The following LAMTOR3 variants were observed in gnomAD, a reference collection of about 807,000 sequenced individuals.
The protein encoded by LAMTOR3 is ragulator complex protein LAMTOR3.
Under a neutral mutation model 20.3 loss-of-function variants are expected in LAMTOR3, and 14 were observed. The ratio of observed to expected loss-of-function variants is 0.69; its 90% CI spans 0.46 to 1.08. The LOEUF is 1.08. Among genes scored for constraint, LAMTOR3 ranks in the 50% least tolerant of loss-of-function variants. The probability of loss-of-function intolerance (pLI) is 0.00; values close to 1 mark genes in which losing one functional copy is unlikely to be tolerated. For synonymous variants in LAMTOR3, 40 were observed against 49.4 expected (o/e 0.81, Z 0.80); for missense variants, 125 against 143.7 (o/e 0.87, Z 0.67).
Position 99,893,956 on chromosome 4 carries a change from T to A in LAMTOR3, c.8A>T (p.Asp3Val). Residue 3 changes from aspartate (D) to valine (V), a missense_variant and splice_region_variant, in exon 2 of 7, where the codon GAT becomes GTT. Coordinates refer to ENST00000499666, the MANE Select transcript of LAMTOR3 (RefSeq NM_021970.4). ...CTCTTATGTAGGGGTGTCACTCACA[T>A]CCGCCATGATGAACCCCCTTCTCTC... MA[D>V]DLKRFLYKKL... 1.3e-6 allele frequency: 2 copies of A among 1,544,764 alleles called. No individual in the cohort carries two copies. The highest frequency in any genetic ancestry group is 1.8e-6 in the Non-Finnish European group (2 of 1,141,302).
chr4:99,883,332 GA>G (rs943934421), intron 6 of LAMTOR3, among the ~76,000 whole-genome samples: 15 of 151,746 alleles, frequency 9.9e-5, no homozygotes, highest in Non-Finnish European at 1.6e-4. Context: ...AAAACAAATA[GA>G]AAAAAATATA....
At position 99,879,914 on chromosome 4, in the gene LAMTOR3, G is replaced by A. The variant is rs1357688288; in HGVS notation, c.*2080C>T. The stretch of plus-strand genomic sequence containing the variant: ...GTATCGCCTACTACTACACACCTAG[G>A]CTATATGGTATAGCCTACTACTACA... On this transcript the variant is annotated 3_prime_UTR_variant, in exon 7 of 7. Coordinates refer to ENST00000499666, the MANE Select transcript of LAMTOR3 (RefSeq NM_021970.4). The A allele has an allele frequency of 6.7e-6, 1 of 148,690 alleles. No homozygotes were observed. The highest frequency in any genetic ancestry group is 2.5e-5 in the African/African-American group (1 of 39,744). 9.2% of individuals were successfully genotyped at this position (148,690 alleles called of 1,614,324 possible).
intron 3 of LAMTOR3, among the ~76,000 whole-genome samples, chr4:99,891,349 G>C (rs1019494410): frequency 2.6e-5 from 4 of 152,170 alleles, no homozygotes; most frequent in Non-Finnish European, 5.9e-5. Context: ...CCCTGCAGAA[G>C]AGCACAGGTC....
At chr4:99,894,213 C>T (rs1372981389) in intron 1 of LAMTOR3, 122 bp downstream of exon 1, 4 of 392,908 alleles carry the variant, frequency 1.0e-5, no homozygotes, top group Non-Finnish European at 1.8e-5. Context: ...CATCCCTGCC[C>T]CTCCACCCCA....
chr4:99,880,147 CT>C lies in LAMTOR3; in HGVS notation c.*1846del, dbSNP rs1436427695. 2.6e-5 allele frequency: 4 copies of C among 152,080 alleles called. No homozygotes were observed. 9.4% of individuals were successfully genotyped at this position (152,080 alleles called of 1,614,324 possible). ...ATTTTCTTGCCCATTTTAAGTGCCC[CT>C]AGTCTGTGGTTCTATACCATCCTAT... On this transcript the variant is annotated 3_prime_UTR_variant, in exon 7 of 7. Transcript: ENST00000499666.
At chr4:99,883,471 T>A (rs1724864132) in intron 6 of LAMTOR3, among the ~76,000 whole-genome samples, 1 of 152,002 alleles carries the variant, frequency 6.6e-6, no homozygotes, top group South Asian at 2.1e-4. Flanking sequence ...AAATATCCAG[T>A]GAAGGTATTG....
intron 3 of LAMTOR3, among the ~76,000 whole-genome samples, chr4:99,888,104 C>T (rs773092019): frequency 8.5e-5 from 13 of 152,166 alleles, no homozygotes; most frequent in Non-Finnish European, 1.5e-4. Context: ...GTAAGCAGAA[C>T]GGTCAAGCTA....
intron 3 of LAMTOR3, among the ~76,000 whole-genome samples, chr4:99,889,492 G>A (rs1041269976): frequency 1.3e-5 from 2 of 152,190 alleles, no homozygotes; most frequent in African/African-American, 4.8e-5. Flanking sequence ...ACATTCTTAA[G>A]TGAAAAAATA....
At chr4:99,890,369 C>T (rs1009565383) in intron 3 of LAMTOR3, among the ~76,000 whole-genome samples, 1 of 152,180 alleles carries the variant, frequency 6.6e-6, no homozygotes, top group Non-Finnish European at 1.5e-5. Context: ...CAAAAACACA[C>T]ATTCCATTAG....
rs1396716742 is a variant in LAMTOR3 at position 99,884,068 on chromosome 4, T to G, written c.295A>C (p.Asn99His). ...TTAAGGTCATTAAACACACCTGTAT[T>G]GGCACTGCTGCTGGCTATGAAACTC... ...VVSFIASSSANTGLIVSLEKE... is the reference protein window; with the variant it reads ...VVSFIASSSAHTGLIVSLEKE... The change falls in exon 6 of 7, where the codon AAT becomes CAT. Residue 99 changes from asparagine to histidine, a missense_variant. Physicochemically the swap from Asn to His is moderately conservative, Grantham distance 68. Coordinates refer to ENST00000499666, the MANE Select transcript of LAMTOR3 (RefSeq NM_021970.4). 1 of 1,607,722 alleles carries G rather than the reference T, an allele frequency of 6.2e-7. No homozygotes were observed. The highest frequency in any genetic ancestry group is 8.5e-7 in the Non-Finnish European group (1 of 1,175,336).
rs376394260 is a variant in LAMTOR3 at position 99,893,920 on chromosome 4, C to T, written c.9+35G>A. 1.9e-5 allele frequency: 27 copies of T among 1,445,788 alleles called. No homozygotes were observed. The African/African-American group carries it at 3.3e-4, about 18-fold the overall frequency. 89.6% of individuals were successfully genotyped at this position (1,445,788 alleles called of 1,614,324 possible). Reference sequence around the variant, plus strand: ...TCAGTATGCCCCTCAAAATTCCCCACTCTCCCCTTCCTCTTATGTAGGGGT... The same window carrying T: ...TCAGTATGCCCCTCAAAATTCCCCATTCTCCCCTTCCTCTTATGTAGGGGT... On this transcript the variant is annotated intron_variant, in intron 2 of 6. Coordinates refer to ENST00000499666, the MANE Select transcript of LAMTOR3 (RefSeq NM_021970.4).
intron 2 of LAMTOR3, among the ~76,000 whole-genome samples, chr4:99,892,324 C>A (rs776856870): frequency 2.6e-5 from 4 of 152,164 alleles, no homozygotes; most frequent in Non-Finnish European, 4.4e-5. Flanking sequence ...ATTAGCATAC[C>A]TAGAAATGGG....
Position 99,879,110 on chromosome 4 carries a change from C to G in LAMTOR3, c.*2884G>C, listed in dbSNP as rs147157293. 1.1e-3 allele frequency: 174 copies of G among 152,282 alleles called. No homozygotes were observed. The highest frequency in any genetic ancestry group is 4.1e-3 in the African/African-American group (172 of 41,550). 9.4% of individuals were successfully genotyped at this position (152,282 alleles called of 1,614,324 possible). On this transcript the variant is annotated 3_prime_UTR_variant, in exon 7 of 7. Coordinates refer to ENST00000499666, the MANE Select transcript of LAMTOR3 (RefSeq NM_021970.4). Reference sequence around the variant, plus strand: ...ACTTCCCTAGCAGGCATAGAGAATGCCTGCCCTACTTATTGAATAATCCTT... The same window carrying G: ...ACTTCCCTAGCAGGCATAGAGAATGGCTGCCCTACTTATTGAATAATCCTT...
Position 99,881,307 on chromosome 4 carries a change from G to C in LAMTOR3, c.*687C>G, listed in dbSNP as rs1724823155. On this transcript the variant is annotated 3_prime_UTR_variant, in exon 7 of 7. Coordinates refer to ENST00000499666, the MANE Select transcript of LAMTOR3 (RefSeq NM_021970.4). ...AACATTGGAAACAGAATAACGAATTGTATTTAAATTTTATGAAGAACACAC... is the reference window on the plus strand; with the variant it reads ...AACATTGGAAACAGAATAACGAATTCTATTTAAATTTTATGAAGAACACAC... The C allele has an allele frequency of 6.6e-6, 1 of 152,084 alleles. No individual in the cohort carries two copies. Among genetic ancestry groups the C allele is most frequent in the South Asian group, 2.1e-4 (1 of 4,828 alleles). The allele number at this position is 152,084 out of a possible 1,614,324, so 9.4% of individuals were successfully genotyped here.
chr4:99,881,519 C>A lies in LAMTOR3; in HGVS notation c.*475G>T. 6.5e-6 allele frequency: 1 copy of A among 153,590 alleles called. No homozygotes were observed. Among genetic ancestry groups the A allele is most frequent in the Non-Finnish European group, 1.5e-5 (1 of 68,944 alleles). 9.5% of individuals were successfully genotyped at this position (153,590 alleles called of 1,614,324 possible). ...ATTGTACTGATTTTATTACTTTTAC[C>A]AAGCCATTTTATGTTCCTCACTCAA... On this transcript the variant is annotated 3_prime_UTR_variant, in exon 7 of 7. Coordinates refer to ENST00000499666, the MANE Select transcript of LAMTOR3 (RefSeq NM_021970.4).
At chr4:99,886,403 T>C (rs1484934985) in intron 4 of LAMTOR3, among the ~76,000 whole-genome samples, 1 of 152,238 alleles carries the variant, frequency 6.6e-6, no homozygotes, top group Non-Finnish European at 1.5e-5. Flanking sequence ...CCGAAGATTA[T>C]AAACCACAGG....
chr4:99,882,961 T>C (rs1560718873), intron 6 of LAMTOR3, among the ~76,000 whole-genome samples: 1 of 152,042 alleles, frequency 6.6e-6, no homozygotes, highest in Non-Finnish European at 1.5e-5. Flanking sequence ...AATAAAGATC[T>C]TTCTCTGTCT....
At chr4:99,891,959 G>A (rs1369387065) in intron 3 of LAMTOR3, 41 bp downstream of exon 3, 2 of 1,553,506 alleles carry the variant, frequency 1.3e-6, no homozygotes, top group Non-Finnish European at 1.7e-6. Context: ...TTAACATATG[G>A]CATATAGAAT....
intron 2 of LAMTOR3, among the ~76,000 whole-genome samples, chr4:99,892,494 C>T (rs1268015926): frequency 6.6e-6 from 1 of 152,086 alleles, no homozygotes; most frequent in African/African-American, 2.4e-5. Context: ...GTGATATGAC[C>T]TCTGTAAGAC....
Sources: gnomAD v4.1 joint callset for allele counts (sites outside exome capture counted in the v4.1 genomes callset) on GRCh38, gnomAD v4.1.1 for gene constraint, MANE v1.5 for transcripts, NCBI Gene and HGNC (gene_info 2026-07-23, HGNC 2026-07-21) for gene names.